PLCE1: variants seen among roughly 807,000 people sequenced by gnomAD.
PLCE1 encodes the protein phospholipase C epsilon 1, also known as 1-phosphatidylinositol 4,5-bisphosphate phosphodiesterase epsilon-1.
A neutral mutation model predicts 242.8 loss-of-function variants in PLCE1; 119 were observed. The observed-to-expected ratio is 0.49, with a 90% CI of 0.42 to 0.57. The LOEUF is 0.57. Ranked by LOEUF, PLCE1 falls within the 20% of genes least tolerant of loss-of-function variation. The pLI is 0.00. For missense variants in PLCE1, 2,441 were observed against 2,788.8 expected, an observed-to-expected ratio of 0.88 and a Z score of 2.81; for synonymous variants, 945 against 1,017.4, an observed-to-expected ratio of 0.93 and a Z score of 1.35.
chr10:94,076,124 TGTGC>T (rs1327771040), intron 2 of PLCE1, among the ~76,000 whole-genome samples: 3 of 136,056 alleles, frequency 2.2e-5, no homozygotes, highest in South Asian at 4.7e-4. Context: ...TTTGTGTGTG[TGTGC>T]GTGCGTGTGT....
In PLCE1 at chr10:94,195,785, A is replaced by G. The variant is rs577200522; in HGVS notation, c.1809+24289A>G. Among the ~76,000 whole-genome samples, 42 of 152,300 alleles carry G rather than the reference A, an allele frequency of 2.8e-4. No individual in the cohort carries two copies. The South Asian group carries it at 8.5e-3, about 31-fold the overall frequency. On this transcript the variant is annotated intron_variant, in intron 4 of 32. Coordinates refer to ENST00000371380, the MANE Select transcript of PLCE1 (RefSeq NM_016341.4). ...CCTGACTTTTGGGAATTTCTTTGATATCTGTACTATACATCTAAAAAAGGT... is the reference window on the plus strand; with the variant it reads ...CCTGACTTTTGGGAATTTCTTTGATGTCTGTACTATACATCTAAAAAAGGT...
chr10:94,238,422 C>T (rs11187830), intron 7 of PLCE1, among the ~76,000 whole-genome samples: 54,778 of 151,970 alleles, frequency 0.36, 10,224 homozygotes, highest in African/African-American at 0.46. Flanking sequence ...ACAGTAGAGC[C>T]GGGTCATGAG....
At chr10:94,303,064 A>C (rs2053092050) in intron 24 of PLCE1, among the ~76,000 whole-genome samples, 1 of 152,234 alleles carries the variant, frequency 6.6e-6, no homozygotes, top group Non-Finnish European at 1.5e-5. Context: ...GGTCCTCTGC[A>C]ATCATTTTAC....
chr10:94,286,713 C>T (rs2052461349), intron 22 of PLCE1: 1 of 152,138 alleles, frequency 6.6e-6, no homozygotes, highest in Non-Finnish European at 1.5e-5. Flanking sequence ...GCAAAGATTT[C>T]AGAGAAATGC....
chr10:94,265,257 T>C (rs1404302108), intron 14 of PLCE1, among the ~76,000 whole-genome samples: 1 of 152,236 alleles, frequency 6.6e-6, no homozygotes, highest in Non-Finnish European at 1.5e-5. Flanking sequence ...GTGCTCATTA[T>C]GATTTTACTA....
At chr10:94,054,921 A>T (rs1467317211) in intron 2 of PLCE1, among the ~76,000 whole-genome samples, 2 of 151,266 alleles carry the variant, frequency 1.3e-5, no homozygotes, top group African/African-American at 4.9e-5. Context: ...CTGAGGCAGG[A>T]GAATGGCGTG....
intron 13 of PLCE1, among the ~76,000 whole-genome samples, chr10:94,261,335 A>G (rs2051290740): frequency 6.6e-6 from 1 of 152,114 alleles, no homozygotes; most frequent in South Asian, 2.1e-4. Flanking sequence ...TTGGTAGCCC[A>G]TTTCTTTTTA....
In PLCE1 at chr10:94,250,464, G is replaced by A. The variant is rs2137590412; in HGVS notation, c.3097-1852G>A. Among the ~76,000 whole-genome samples the A allele has an allele frequency of 3.9e-5, 6 of 152,016 alleles. No individual in the cohort carries two copies. In the South Asian group the frequency reaches 1.2e-3, roughly 32 times the overall value. Reference sequence around the variant, plus strand: ...TGCAGTGAGCCAAGATCACACCACTGCACTCCAGCCTGGGCGACAGAGGGA... The same window carrying A: ...TGCAGTGAGCCAAGATCACACCACTACACTCCAGCCTGGGCGACAGAGGGA... On this transcript the variant is annotated intron_variant, in intron 8 of 32. Coordinates refer to ENST00000371380, the MANE Select transcript of PLCE1 (RefSeq NM_016341.4).
intron 24 of PLCE1, among the ~76,000 whole-genome samples, chr10:94,300,907 TAAAAC>T (rs199724228): frequency 0.013 from 1,930 of 150,342 alleles, 26 homozygotes; most frequent in Middle Eastern, 0.031. Flanking sequence ...CTAAAAATAT[TAAAAC>T]AAAATAGTGG....
chr10:94,251,982 A>G (rs977602952), intron 8 of PLCE1, among the ~76,000 whole-genome samples: 3 of 152,210 alleles, frequency 2.0e-5, no homozygotes, highest in Non-Finnish European at 4.4e-5. Flanking sequence ...CCAAGGCCCT[A>G]ATTTGCAAAG....
chr10:94,091,458 G>A (rs1010519700), intron 2 of PLCE1, among the ~76,000 whole-genome samples: 1 of 152,122 alleles, frequency 6.6e-6, no homozygotes, highest in African/African-American at 2.4e-5. Flanking sequence ...GGCTCTTTGG[G>A]GTGTGAGGAG....
At chr10:94,293,888 CTT>C (rs2052720310) in intron 23 of PLCE1, among the ~76,000 whole-genome samples, 2 of 152,144 alleles carry the variant, frequency 1.3e-5, no homozygotes, top group Non-Finnish European at 2.9e-5. Flanking sequence ...AGGTGGATCA[CTT>C]GAGGTCAGGA....
At position 94,050,715 on chromosome 10, in the gene PLCE1, A is replaced by C. The variant is rs908734652; in HGVS notation, c.1206+18463A>C. ...CAAAAAAATAAAAATTTAAAAGAAA[A>C]CAAAAAAATAATTATCTAGCACATA... On this transcript the variant is annotated intron_variant, in intron 2 of 32. Transcript: ENST00000371380. Among the ~76,000 whole-genome samples, 6 of 152,294 alleles carry C rather than the reference A, an allele frequency of 3.9e-5. No individual in the cohort carries two copies. In the East Asian group the frequency reaches 7.7e-4, roughly 20 times the overall value.
Position 94,120,130 on chromosome 10 carries a change from C to A in PLCE1, c.1207-12044C>A, listed in dbSNP as rs74151052. Among the ~76,000 whole-genome samples, 1,149 of 152,240 alleles carry A rather than the reference C, an allele frequency of 7.5e-3. 14 individuals are homozygous for A. Among genetic ancestry groups the A allele is most frequent in the African/African-American group, 0.026 (1,094 of 41,546 alleles). On this transcript the variant is annotated intron_variant, in intron 2 of 32. Transcript: ENST00000371380. ...TACTATTCTCTACCCTTACTCAACT[C>A]CTCCATCCTGTCTGGGAGACTCAAC...
chr10:94,109,264 T>G (rs2045866657), intron 2 of PLCE1: 1 of 152,234 alleles, frequency 6.6e-6, no homozygotes, highest in Non-Finnish European at 1.5e-5. Flanking sequence ...ATATTATTTT[T>G]GACCTATTTT....
At chr10:94,208,259 A>G (rs950927540) in intron 4 of PLCE1, among the ~76,000 whole-genome samples, 13 of 152,238 alleles carry the variant, frequency 8.5e-5, no homozygotes, top group Non-Finnish European at 1.8e-4. Flanking sequence ...CTCTGCGGTG[A>G]TGCACCAAGC....
Position 94,283,792 on chromosome 10 carries a change from A to T in PLCE1, c.4798A>T (p.Asn1600Tyr). ...GAAGTCTGCTAACTTATTTTCAGACAACATTCTGGAAGACAGACCTGAAAA... is the reference window on the plus strand; with the variant it reads ...GAAGTCTGCTAACTTATTTTCAGACTACATTCTGGAAGACAGACCTGAAAA... ...DYDYESLSDD[N>Y]ILEDRPENKS... is the part of the protein sequence containing the mutation. The change falls in exon 21 of 33, where the codon AAC (asparagine) becomes TAC (tyrosine). Residue 1600 changes from asparagine to tyrosine, a missense_variant and splice_region_variant. By Grantham distance (143) the Asn-to-Tyr change is moderately radical. Coordinates refer to ENST00000371380, the MANE Select transcript of PLCE1 (RefSeq NM_016341.4). 1 of 1,611,140 alleles carries T rather than the reference A, an allele frequency of 6.2e-7. No individual in the cohort carries two copies. Among genetic ancestry groups the T allele is most frequent in the South Asian group, 1.1e-5 (1 of 90,822 alleles).
chr10:94,159,986 T>C (rs1033432908), intron 3 of PLCE1, among the ~76,000 whole-genome samples: 5 of 152,234 alleles, frequency 3.3e-5, no homozygotes, highest in African/African-American at 1.2e-4. Context: ...CCATGGTGTA[T>C]ATATGCCACA....
Position 94,262,622 on chromosome 10 carries a change from G to C in PLCE1, c.3943G>C (p.Glu1315Gln). 6.2e-7 allele frequency: 1 copy of C among 1,614,046 alleles called. No homozygotes were observed. Among genetic ancestry groups the C allele is most frequent in the Non-Finnish European group, 8.5e-7 (1 of 1,179,944 alleles). The change falls in exon 14 of 33, where the codon GAG becomes CAG. Residue 1315 changes from glutamate (E) to glutamine (Q), a missense_variant. Transcript: ENST00000371380. ...CATTGTGACAAATGGCACTGGGATT[G>C]AGAGCACATCTCTGGGCATTTTTGG... The part of the protein sequence containing the change: ...ASIVTNGTGI[E>Q]STSLGIFGVG...
Sources: gnomAD v4.1 joint callset for allele counts (sites outside exome capture counted in the v4.1 genomes callset) on GRCh38, gnomAD v4.1.1 for gene constraint, MANE v1.5 for transcripts, NCBI Gene and HGNC (gene_info 2026-07-23, HGNC 2026-07-21) for gene names.